The following CYP4X1 variants were observed in gnomAD, a reference collection of about 807,000 sequenced individuals.
The protein encoded by CYP4X1 is cytochrome P450 family 4 subfamily X member 1.
In CYP4X1, 44 loss-of-function variants were observed where a neutral mutation model predicts 57.9. That is an observed-to-expected ratio of 0.76 (90% CI 0.60 to 0.98). CYP4X1 has a LOEUF of 0.98. Among genes scored for constraint, CYP4X1 ranks in the 50% least tolerant of loss-of-function variants. The probability of loss-of-function intolerance (pLI) is 0.00; values close to 1 mark genes in which losing one functional copy is unlikely to be tolerated. For missense variants in CYP4X1, 532 were observed against 623.9 expected (o/e 0.85, Z 1.57); for synonymous variants, 227 against 228.6 (o/e 0.99, Z 0.06).
chr1:47,023,939 G>A lies in CYP4X1; in HGVS notation c.122G>A (p.Arg41Gln), dbSNP rs1557599873. ...KLYLRRQRLL[R>Q]DLRPFPAPPT... ...TACCTGCGGAGGCAGCGGCTGCTGC[G>A]GGACCTGCGCCCCTTCCCAGCGCCC... Residue 41 changes from arginine to glutamine, a missense_variant, in exon 1 of 12, where the codon CGG becomes CAG. By Grantham distance (43) the Arg-to-Gln change is conservative. Coordinates refer to ENST00000371901, the MANE Select transcript of CYP4X1 (RefSeq NM_178033.2). 3.1e-6 allele frequency: 5 copies of A among 1,613,356 alleles called. No homozygotes were observed. The highest frequency in any genetic ancestry group is 1.7e-6 in the Non-Finnish European group (2 of 1,179,946).
intron 1 of CYP4X1, among the ~76,000 whole-genome samples, chr1:47,028,104 C>T (rs1644089413): frequency 6.6e-6 from 1 of 152,012 alleles, no homozygotes; most frequent in South Asian, 2.1e-4. Flanking sequence ...ATAGAATAGG[C>T]CAGGTGGTTT....
chr1:46,963,251 A>C, the CYP4X1 span, among the ~76,000 whole-genome samples: 1 of 152,168 alleles, frequency 6.6e-6, no homozygotes, highest in African/African-American at 2.4e-5. Context: ...TAGCCCATTT[A>C]CATTTAAGGT....
the CYP4X1 span, among the ~76,000 whole-genome samples, chr1:47,008,725 G>A: frequency 6.6e-6 from 1 of 152,154 alleles, no homozygotes; most frequent in Non-Finnish European, 1.5e-5. Flanking sequence ...AGGGATGGAG[G>A]AAGATCTACC....
the CYP4X1 span, among the ~76,000 whole-genome samples, chr1:46,985,868 A>G: frequency 3.3e-4 from 51 of 152,330 alleles, no homozygotes; most frequent in South Asian, 0.011. Flanking sequence ...TCCGAAGATC[A>G]CCAACATCAA....
At chr1:47,017,117 G>A in the CYP4X1 span, among the ~76,000 whole-genome samples, 1 of 152,156 alleles carries the variant, frequency 6.6e-6, no homozygotes, top group Non-Finnish European at 1.5e-5. Context: ...TGGACACTTA[G>A]GTTGCTTCCA....
At chr1:47,017,181 T>C in the CYP4X1 span, among the ~76,000 whole-genome samples, 2 of 152,238 alleles carry the variant, frequency 1.3e-5, no homozygotes, top group Non-Finnish European at 2.9e-5. Flanking sequence ...CAGATATCTC[T>C]TTGATATACT....
downstream of CYP4X1, among the ~76,000 whole-genome samples, chr1:47,053,812 A>G (rs1644374437): frequency 2.0e-5 from 3 of 151,964 alleles, no homozygotes; most frequent in South Asian, 6.2e-4. Context: ...TAGATTCTGG[A>G]TATTAGGCCT....
At chr1:47,032,090 TC>T (rs2148507468) in intron 3 of CYP4X1, among the ~76,000 whole-genome samples, 1 of 152,174 alleles carries the variant, frequency 6.6e-6, no homozygotes, top group South Asian at 2.1e-4. Context: ...AGTCTCACCA[TC>T]CCTATTCTTG....
the CYP4X1 span, among the ~76,000 whole-genome samples, chr1:47,015,330 C>T: frequency 2.6e-5 from 4 of 152,200 alleles, no homozygotes; most frequent in Non-Finnish European, 5.9e-5. Context: ...ATGGAACTTA[C>T]TATGTAAATT....
At chr1:46,993,059 T>A in the CYP4X1 span, among the ~76,000 whole-genome samples, 8 of 151,396 alleles carry the variant, frequency 5.3e-5, no homozygotes, top group South Asian at 1.5e-3. Flanking sequence ...ATTGGGTATA[T>A]CTCCAAATGC....
chr1:47,043,091 C>G (rs1196538408), intron 8 of CYP4X1, among the ~76,000 whole-genome samples: 1 of 152,116 alleles, frequency 6.6e-6, no homozygotes, highest in Non-Finnish European at 1.5e-5. Flanking sequence ...AGAAGTGTTC[C>G]CTGTTCACTG....
At chr1:46,976,372 C>G in the CYP4X1 span, among the ~76,000 whole-genome samples, 16 of 152,116 alleles carry the variant, frequency 1.1e-4, no homozygotes, top group Non-Finnish European at 1.9e-4. Context: ...GATTGAAGTG[C>G]TAGGTGGCAG....
the CYP4X1 span, among the ~76,000 whole-genome samples, chr1:46,972,991 G>A: frequency 6.6e-6 from 1 of 151,896 alleles, no homozygotes; most frequent in Admixed American, 6.6e-5. Context: ...GTTGAGAGTG[G>A]GCATCCTTGT....
At chr1:47,030,538 T>C (rs1027922414) in intron 2 of CYP4X1, among the ~76,000 whole-genome samples, 1 of 152,174 alleles carries the variant, frequency 6.6e-6, no homozygotes, top group African/African-American at 2.4e-5. Context: ...GCCTGAATGC[T>C]AGATCATTAA....
the CYP4X1 span, among the ~76,000 whole-genome samples, chr1:46,963,003 A>G: frequency 2.6e-5 from 4 of 152,130 alleles, no homozygotes; most frequent in African/African-American, 9.7e-5. Context: ...TTACCATTAT[A>G]TAATGGCCTT....
At chr1:46,989,454 T>C in the CYP4X1 span, among the ~76,000 whole-genome samples, 1 of 152,108 alleles carries the variant, frequency 6.6e-6, no homozygotes, top group African/African-American at 2.4e-5. Context: ...AGAATCAATA[T>C]CATGAAAATG....
At chr1:47,021,291 G>T (rs1557598519), upstream of CYP4X1, among the ~76,000 whole-genome samples, 2 of 152,086 alleles carry the variant, frequency 1.3e-5, no homozygotes, top group South Asian at 4.2e-4. Flanking sequence ...CCATTAGCCT[G>T]CCCTGTTGGA....
upstream of CYP4X1, among the ~76,000 whole-genome samples, chr1:47,018,757 G>A (rs956644299): frequency 6.6e-6 from 1 of 152,054 alleles, no homozygotes; most frequent in African/African-American, 2.4e-5. Context: ...CATGGTTTAG[G>A]TTTCAGTGAG....
At chr1:47,006,862 G>C in the CYP4X1 span, among the ~76,000 whole-genome samples, 9 of 152,352 alleles carry the variant, frequency 5.9e-5, no homozygotes, top group East Asian at 7.7e-4. Flanking sequence ...CAAACTGCAA[G>C]GCGGCAGCGA....
Sources: allele counts gnomAD v4.1 joint callset (sites outside exome capture counted in the v4.1 genomes callset), GRCh38; gene constraint gnomAD v4.1.1; transcripts MANE v1.5; gene names NCBI Gene and HGNC (gene_info 2026-07-23, HGNC 2026-07-21).